Variants in GPC5 observed in about 807,000 individuals in gnomAD.
GPC5 encodes the protein glypican 5.
In GPC5, 47 loss-of-function variants were observed where a neutral mutation model predicts 53.9. The observed-to-expected ratio is 0.87, with a 90% CI of 0.69 to 1.11. GPC5 has a LOEUF of 1.11. Ranked by LOEUF, GPC5 falls within the 50% of genes most tolerant of loss-of-function variation. The pLI is 0.00. For missense variants in GPC5, 748 were observed against 713.1 expected, an observed-to-expected ratio of 1.05 and a Z score of -0.56; for synonymous variants, 286 against 263.3, an observed-to-expected ratio of 1.09 and a Z score of -0.84.
rs1449972631 is a variant in GPC5 at position 91,416,900 on chromosome 13, T to G, written c.163+17691T>G. ...AAGTCTTTGCTATTGTGAATAGTGC[T>G]GCAATCATTGAGAAAACCAGTTTAT... On this transcript the variant is annotated intron_variant, in intron 1 of 7. Transcript: ENST00000377067. Among the ~76,000 whole-genome samples the G allele has an allele frequency of 2.0e-5, 3 of 152,236 alleles. No individual in the cohort carries two copies. The South Asian group carries it at 6.2e-4, about 32-fold the overall frequency.
chr13:92,660,442 T>C (rs1886296542), intron 7 of GPC5, among the ~76,000 whole-genome samples: 1 of 151,850 alleles, frequency 6.6e-6, no homozygotes, highest in Non-Finnish European at 1.5e-5. Flanking sequence ...TATAAACATA[T>C]ACACACATAC....
rs1481174394 is a variant in GPC5 at position 92,494,770 on chromosome 13, C to T, written c.1561+349781C>T. Among the ~76,000 whole-genome samples the T allele has an allele frequency of 5.3e-5, 8 of 152,028 alleles. No homozygotes were observed. The East Asian group carries it at 9.7e-4, about 18-fold the overall frequency. On this transcript the variant is annotated intron_variant, in intron 7 of 7. Transcript: ENST00000377067. ...TACAGTAACATTACTGAATTGTGTGCGCATTTACCAAGAAGTCTTGAAGAT... is the reference window on the plus strand; with the variant it reads ...TACAGTAACATTACTGAATTGTGTGTGCATTTACCAAGAAGTCTTGAAGAT...
At chr13:92,603,039 T>C (rs1034066802) in intron 7 of GPC5, among the ~76,000 whole-genome samples, 2 of 152,218 alleles carry the variant, frequency 1.3e-5, no homozygotes, top group Non-Finnish European at 2.9e-5. Context: ...TCTGAGCCTA[T>C]GTACATAGTG....
intron 7 of GPC5, among the ~76,000 whole-genome samples, chr13:92,169,127 A>G (rs190131226): frequency 3.7e-4 from 57 of 152,308 alleles, no homozygotes; most frequent in African/African-American, 1.4e-3. Context: ...GGAGCTCAAC[A>G]ATGAGAATAC....
chr13:91,587,751 C>T (rs2032652767), intron 2 of GPC5, among the ~76,000 whole-genome samples: 1 of 152,078 alleles, frequency 6.6e-6, no homozygotes, highest in Admixed American at 6.6e-5. Context: ...TTCCTGAAAG[C>T]AGGAACTGCC....
At chr13:92,430,925 T>C (rs943345384) in intron 7 of GPC5, among the ~76,000 whole-genome samples, 1 of 152,096 alleles carries the variant, frequency 6.6e-6, no homozygotes, top group Non-Finnish European at 1.5e-5. Flanking sequence ...TACTAGTAAA[T>C]AGTGACTTCT....
At chr13:92,763,776 A>G (rs1875286225) in intron 7 of GPC5, among the ~76,000 whole-genome samples, 1 of 152,198 alleles carries the variant, frequency 6.6e-6, no homozygotes, top group Non-Finnish European at 1.5e-5. Flanking sequence ...GTAGCTATGA[A>G]TATGATCCTG....
chr13:91,569,863 C>A (rs116158431), intron 2 of GPC5, among the ~76,000 whole-genome samples: 1,544 of 152,238 alleles, frequency 0.01, 24 homozygotes, highest in African/African-American at 0.028. Flanking sequence ...AGACACTGAA[C>A]CAGCTGGCTT....
chr13:91,892,479 TA>T lies in GPC5; in HGVS notation c.1281-15453del, dbSNP rs558232199. ...TTTATGCTTTTCTTACATTTTTCAT[TA>T]AAAACATTTCATTTTTGATACACTT... is the stretch of plus-strand genomic sequence containing the variant. On this transcript the variant is annotated intron_variant, in intron 5 of 7. Coordinates refer to ENST00000377067, the MANE Select transcript of GPC5 (RefSeq NM_004466.6). Among the ~76,000 whole-genome samples, 18 of 151,852 alleles carry T rather than the reference TA, an allele frequency of 1.2e-4. 1 individual carries two copies. In the South Asian group the frequency reaches 3.5e-3, roughly 30 times the overall value.
At chr13:92,054,593 G>T (rs1594745746) in intron 6 of GPC5, among the ~76,000 whole-genome samples, 1 of 152,114 alleles carries the variant, frequency 6.6e-6, no homozygotes, top group African/African-American at 2.4e-5. Flanking sequence ...ATAGAGACTA[G>T]TGAAACCAGA....
rs1594337120 is a variant in GPC5, at chr13:92,601,503, C to A, written c.1562-264779C>A. Among the ~76,000 whole-genome samples, 7 of 141,274 alleles carry A rather than the reference C, an allele frequency of 5.0e-5. No individual in the cohort carries two copies. In the South Asian group the frequency reaches 1.6e-3, roughly 32 times the overall value. The allele number at this position is 141,274 out of a possible 152,430, so 92.7% of individuals were successfully genotyped here. A position where few individuals can be genotyped will look rare whatever the true frequency, so the allele number is the denominator to read the frequency against. On this transcript the variant is annotated intron_variant, in intron 7 of 7. Transcript: ENST00000377067. ...CCAGGAAGCGGAGGTTGCAGGGAGC[C>A]AATATCACACCACTGCACTCCAGCC...
rs2036626136 is a variant in GPC5 at position 91,728,582 on chromosome 13, T to C, written c.1071T>C (p.Arg357=). 3 of 1,613,006 alleles carry C rather than the reference T, an allele frequency of 1.9e-6. No homozygotes were observed. The highest frequency in any genetic ancestry group is 1.3e-5 in the African/African-American group (1 of 74,978). ...RPVRTPTQSP[R]CSFDQSKEKH... ...TAAGAACACCCACACAAAGCCCCCG[T>C]TGTTCTTTTGATCAGAGCAAAGAGA... The change falls in exon 4 of 8, where the codon CGT becomes CGC. Residue 357 remains arginine, a synonymous_variant. Transcript: ENST00000377067.
chr13:92,385,505 T>TATAC (rs1874614158), intron 7 of GPC5, among the ~76,000 whole-genome samples: 2 of 137,290 alleles, frequency 1.5e-5, no homozygotes, highest in African/African-American at 5.7e-5. Context: ...TACATACATA[T>TATAC]ACATATATAC....
chr13:91,883,917 T>C (rs1178266748), intron 5 of GPC5, among the ~76,000 whole-genome samples: 1 of 152,066 alleles, frequency 6.6e-6, no homozygotes, highest in East Asian at 1.9e-4. Context: ...CTAGTTGTTT[T>C]TCCTGATCCT....
intron 7 of GPC5, among the ~76,000 whole-genome samples, chr13:92,642,456 C>T (rs1885625974): frequency 6.6e-6 from 1 of 152,200 alleles, no homozygotes; most frequent in Non-Finnish European, 1.5e-5. Flanking sequence ...TCTTCCATTA[C>T]ATGGTAGTCC....
rs542540861 is a variant in GPC5, at chr13:91,787,752, T to C, written c.1280+31332T>C. 1.9e-3 allele frequency among the ~76,000 whole-genome samples: 286 copies of C among 152,306 alleles called. 2 individuals carry two copies. The highest frequency in any genetic ancestry group is 6.5e-3 in the African/African-American group (270 of 41,574). ...AAATATTTATAAACATGTATATTTA[T>C]GTAAAATTATGAAAAAGGTAGAGAT... On this transcript the variant is annotated intron_variant, in intron 5 of 7. Transcript: ENST00000377067.
intron 7 of GPC5, among the ~76,000 whole-genome samples, chr13:92,745,038 T>TA (rs1015468973): frequency 3.6e-4 from 55 of 152,166 alleles, no homozygotes; most frequent in African/African-American, 1.2e-3. Context: ...TGTAAAATTA[T>TA]AAAAAATTTT....
intron 6 of GPC5, among the ~76,000 whole-genome samples, chr13:91,963,964 T>G (rs1461759130): frequency 6.6e-6 from 1 of 152,194 alleles, no homozygotes; most frequent in Non-Finnish European, 1.5e-5. Flanking sequence ...TGGGGATTCC[T>G]CAGGGATCTA....
At chr13:92,751,128 A>T (rs913293454) in intron 7 of GPC5, among the ~76,000 whole-genome samples, 1 of 151,918 alleles carries the variant, frequency 6.6e-6, no homozygotes, top group African/African-American at 2.4e-5. Flanking sequence ...TTCATCCTTT[A>T]TTAGAAGTCC....
Sources: allele counts gnomAD v4.1 joint callset (sites outside exome capture counted in the v4.1 genomes callset), GRCh38; gene constraint gnomAD v4.1.1; transcripts MANE v1.5; gene names NCBI Gene and HGNC (gene_info 2026-07-23, HGNC 2026-07-21).